The following ATE1 variants were observed in gnomAD, a reference collection of about 807,000 sequenced individuals.
ATE1 encodes arginyl-tRNA--protein transferase 1.
A neutral mutation model predicts 70.5 loss-of-function variants in ATE1; 36 were observed. That is an observed-to-expected ratio of 0.51 (90% CI 0.39 to 0.67). The LOEUF (loss-of-function observed/expected upper bound fraction) is 0.67. ATE1 is among the 30% of genes least tolerant of loss of function. The pLI is 0.00. For missense variants in ATE1, 593 were observed against 629.5 expected (o/e 0.94, Z 0.62); for synonymous variants, 232 against 219.3 (o/e 1.06, Z -0.51).
intron 1 of ATE1, 37 bp downstream of exon 1, chr10:121,927,807 G>T: frequency 1.3e-6 from 2 of 1,528,430 alleles, no homozygotes. Context: ...AGACCCGGGC[G>T]CCCGGCTTCC....
At chr10:121,894,877 G>A (rs952769259) in intron 7 of ATE1, among the ~76,000 whole-genome samples, 31 of 152,020 alleles carry the variant, frequency 2.0e-4, no homozygotes, top group African/African-American at 7.0e-4. Context: ...CTCCAGCCTG[G>A]GCGACAGAGT....
At chr10:121,885,463 G>C (rs1031213830) in intron 7 of ATE1, among the ~76,000 whole-genome samples, 1 of 149,344 alleles carries the variant, frequency 6.7e-6, no homozygotes, top group Non-Finnish European at 1.5e-5. Flanking sequence ...CCAGCTACTC[G>C]GGAGGCTGAG....
chr10:121,824,363 C>T (rs1251969766), intron 10 of ATE1, among the ~76,000 whole-genome samples: 2 of 152,160 alleles, frequency 1.3e-5, no homozygotes, highest in African/African-American at 2.4e-5. Flanking sequence ...AGTGAAATAA[C>T]ATTTACCAAC....
At chr10:121,914,711 C>T (rs1951573919) in intron 3 of ATE1, among the ~76,000 whole-genome samples, 1 of 152,138 alleles carries the variant, frequency 6.6e-6, no homozygotes, top group Admixed American at 6.6e-5. Flanking sequence ...CTCAACCCAG[C>T]AGAAAACTGC....
chr10:121,856,107 T>C (rs1949239881), intron 8 of ATE1, among the ~76,000 whole-genome samples: 1 of 149,612 alleles, frequency 6.7e-6, no homozygotes, highest in Non-Finnish European at 1.5e-5. Context: ...TCCAGGTATA[T>C]ATAACCAAGG....
intron 8 of ATE1, among the ~76,000 whole-genome samples, chr10:121,846,150 A>G (rs1473392128): frequency 6.6e-6 from 1 of 151,596 alleles, no homozygotes; most frequent in East Asian, 1.9e-4. Context: ...ACCCAAAACC[A>G]AAATACCCAA....
chr10:121,927,089 A>G, intron 1 of ATE1: 1 of 985,416 alleles, frequency 1.0e-6, no homozygotes, highest in Non-Finnish European at 1.2e-6. Flanking sequence ...TACATTCTAT[A>G]TTGGCAAATG....
chr10:121,797,326 T>C (rs1387501316), intron 10 of ATE1, among the ~76,000 whole-genome samples: 1 of 152,194 alleles, frequency 6.6e-6, no homozygotes, highest in South Asian at 2.1e-4. Flanking sequence ...TTTTTTGCAA[T>C]GTTTTCATTG....
intron 7 of ATE1, among the ~76,000 whole-genome samples, chr10:121,894,587 A>G (rs1206258688): frequency 6.6e-6 from 1 of 152,190 alleles, no homozygotes; most frequent in Admixed American, 6.5e-5. Context: ...CTCAGTAACA[A>G]AGACAATCCA....
intron 11 of ATE1, among the ~76,000 whole-genome samples, chr10:121,775,777 C>T (rs1268616106): frequency 1.3e-5 from 2 of 152,312 alleles, no homozygotes; most frequent in East Asian, 3.9e-4. Context: ...AGTAACTTGG[C>T]TGGGTCAGCA....
chr10:121,914,594 A>C (rs1457270272), intron 3 of ATE1, among the ~76,000 whole-genome samples: 3 of 152,146 alleles, frequency 2.0e-5, no homozygotes, highest in African/African-American at 7.2e-5. Context: ...ATATGAGTGA[A>C]AGTTAGGTCT....
At chr10:121,871,381 C>G (rs1162717812) in intron 7 of ATE1, among the ~76,000 whole-genome samples, 1 of 152,046 alleles carries the variant, frequency 6.6e-6, no homozygotes, top group Non-Finnish European at 1.5e-5. Flanking sequence ...ATTGCTGGAA[C>G]CTGGTAGGTG....
At chr10:121,847,491 T>C (rs1027150969) in intron 8 of ATE1, among the ~76,000 whole-genome samples, 6 of 150,592 alleles carry the variant, frequency 4.0e-5, no homozygotes, top group African/African-American at 1.5e-4. Context: ...CCAGGCGCGG[T>C]AGCTCATGCC....
Position 121,779,608 on chromosome 10 carries a change from T to G in ATE1, c.1378+10561A>C, listed in dbSNP as rs77639688. The stretch of plus-strand genomic sequence containing the variant: ...CTACATTCCTTCTCACAGACCCTGA[T>G]GTGTTTTCATCTTTCTTGTAGAAGA... On this transcript the variant is annotated intron_variant, in intron 11 of 11. Transcript: ENST00000224652. Among the ~76,000 whole-genome samples the G allele has an allele frequency of 0.025, 3,294 of 131,796 alleles. 185 individuals are homozygous for G. The East Asian group carries it at 0.28, about 11-fold the overall frequency. 86.5% of individuals were successfully genotyped at this position (131,796 alleles called of 152,430 possible).
At chr10:121,925,160 C>G (rs1952036588) in intron 1 of ATE1, among the ~76,000 whole-genome samples, 1 of 152,188 alleles carries the variant, frequency 6.6e-6, no homozygotes, top group Admixed American at 6.5e-5. Flanking sequence ...GTGGCTCACG[C>G]CTGTAATCCC....
chr10:121,790,358 G>C, intron 10 of ATE1, 69 bp from the exon 11 acceptor site: 6 of 1,570,718 alleles, frequency 3.8e-6, no homozygotes, highest in Non-Finnish European at 5.2e-6. Flanking sequence ...AAGGGATGAG[G>C]GCTCTAGGAA....
At chr10:121,916,708 G>T (rs1164982518) in intron 3 of ATE1, among the ~76,000 whole-genome samples, 1 of 151,984 alleles carries the variant, frequency 6.6e-6, no homozygotes, top group Non-Finnish European at 1.5e-5. Flanking sequence ...GGTGGCACAT[G>T]CCTGTAGTCC....
intron 1 of ATE1, 121 bp from the exon 2 acceptor site, chr10:121,924,450 C>T: frequency 2.2e-6 from 2 of 920,904 alleles, no homozygotes; most frequent in African/African-American, 1.7e-5. Context: ...CCTGTAATCC[C>T]AGCACTCTGG....
intron 8 of ATE1, among the ~76,000 whole-genome samples, chr10:121,867,676 C>T (rs1949709925): frequency 2.0e-5 from 3 of 152,168 alleles, no homozygotes; most frequent in Admixed American, 6.5e-5. Flanking sequence ...TAGTTGTTAA[C>T]ATTTTGTGCA....
Sources: allele counts gnomAD v4.1 joint callset (sites outside exome capture counted in the v4.1 genomes callset), GRCh38; gene constraint gnomAD v4.1.1; transcripts MANE v1.5; gene names NCBI Gene and HGNC (gene_info 2026-07-23, HGNC 2026-07-21).